The following TRIOBP variants were observed in gnomAD, a reference collection of about 807,000 sequenced individuals.
TRIOBP encodes the protein TRIO and F-actin-binding protein.
TRIOBP carries 169 observed loss-of-function variants against 238.8 expected under a neutral mutation model. The ratio of observed to expected loss-of-function variants is 0.71; its 90% CI spans 0.62 to 0.80. The LOEUF (loss-of-function observed/expected upper bound fraction) is 0.80. Among genes scored for constraint, TRIOBP ranks in the 30% least tolerant of loss-of-function variants. The pLI, the probability that TRIOBP is intolerant of heterozygous loss-of-function variation, is 0.00. For synonymous variants in TRIOBP, 1,150 were observed against 1,274.4 expected (o/e 0.90, Z 2.08); for missense variants, 2,838 against 3,122.6 (o/e 0.91, Z 2.17).
rs780301261 is a variant in TRIOBP, at chr22:37,715,816, C to T, written c.510C>T (p.Leu170=). 2.4e-5 allele frequency: 38 copies of T among 1,613,972 alleles called. No individual in the cohort carries two copies. The highest frequency in any genetic ancestry group is 6.7e-5 in the African/African-American group (5 of 74,914). The change falls in exon 6 of 24, where the codon CTC becomes CTT. Residue 170 remains leucine, a synonymous_variant. Coordinates refer to ENST00000644935, the MANE Select transcript of TRIOBP (RefSeq NM_001039141.3). ...QEEEAPSWDE[L]AVMIPRRPRE... is the part of the protein sequence containing the mutation. The stretch of plus-strand genomic sequence containing the variant: ...AGGAGGCCCCCAGCTGGGACGAGCT[C>T]GCAGTGATGATCCCGAGGAGGCCTC...
rs764022321 is a variant in TRIOBP at position 37,769,366 on chromosome 22, C to G, written c.6840C>G (p.Cys2280Trp). 1.1e-5 allele frequency: 18 copies of G among 1,604,598 alleles called. No homozygotes were observed. Among genetic ancestry groups the G allele is most frequent in the Non-Finnish European group, 1.5e-5 (18 of 1,177,256 alleles). ...GCGRSNERSS[C>W]ELEVLLRVKE... ...GGCGCAGCAACGAGCGGAGTTCCTG[C>G]GAGCTAGAGGTGAGTGTCCTCACTA... Residue 2280 changes from cysteine (C) to tryptophan (W), a missense_variant, in exon 21 of 24, where the codon TGC becomes TGG. By Grantham distance (215) the Cys-to-Trp change is radical. Around this residue, in one of 5 missense-constraint regions of TRIOBP, gnomAD observed 2,096 missense variants for 2,137.4 expected, o/e 0.98. Transcript: ENST00000644935.
intron 11 of TRIOBP, among the ~76,000 whole-genome samples, chr22:37,742,268 T>G (rs1924973204): frequency 6.7e-6 from 1 of 148,656 alleles, no homozygotes; most frequent in South Asian, 2.2e-4. Context: ...TTTTTTTTTT[T>G]TTTTTTTTAA....
intron 7 of TRIOBP, among the ~76,000 whole-genome samples, chr22:37,727,512 C>A (rs1397411280): frequency 6.6e-6 from 1 of 151,694 alleles, no homozygotes; most frequent in Non-Finnish European, 1.5e-5. Context: ...ACTAAAAATA[C>A]AAAAAATTAG....
chr22:37,714,983 T>G (rs1923439440), intron 5 of TRIOBP, among the ~76,000 whole-genome samples: 1 of 152,100 alleles, frequency 6.6e-6, no homozygotes, highest in South Asian at 2.1e-4. Flanking sequence ...GGACAGAACT[T>G]GACAGTTTAG....
chr22:37,746,118 C>T (rs1209216059), intron 11 of TRIOBP: 4 of 933,084 alleles, frequency 4.3e-6, no homozygotes, highest in Non-Finnish European at 5.2e-6. Flanking sequence ...CGCCCCCGGC[C>T]CGTCTCGCGC....
Position 37,757,983 on chromosome 22 carries a change from A to G in TRIOBP, c.6058A>G (p.Asn2020Asp). 6.3e-7 allele frequency: 1 copy of G among 1,589,196 alleles called. No homozygotes were observed. The highest frequency in any genetic ancestry group is 8.6e-7 in the Non-Finnish European group (1 of 1,168,522). Residue 2020 changes from asparagine (N) to aspartate (D), a missense_variant, in exon 16 of 24, where the codon AAC becomes GAC. Coordinates refer to ENST00000644935, the MANE Select transcript of TRIOBP (RefSeq NM_001039141.3). ...TGCCCCCCTGACTGAGGACCAGCAA[A>G]ACCGGCTTAGTGAGGAGATCGAGAA... ...LGAPLTEDQQ[N>D]RLSEEIEKKW...
At position 37,769,252 on chromosome 22, in the gene TRIOBP, C is replaced by T. The variant is rs992289407; in HGVS notation, c.6736-10C>T. 6.2e-7 allele frequency: 1 copy of T among 1,608,220 alleles called. No homozygotes were observed. Among genetic ancestry groups the T allele is most frequent in the African/African-American group, 1.3e-5 (1 of 74,880 alleles). On this transcript the variant is annotated splice_polypyrimidine_tract_variant and intron_variant, in intron 20 of 23. Coordinates refer to ENST00000644935, the MANE Select transcript of TRIOBP (RefSeq NM_001039141.3). Reference sequence around the variant, plus strand: ...CGGCACCCCTCCCCTGACCACCGTGCCTCTCCCAGGAGCTGCATGGCCGCC... The same window carrying T: ...CGGCACCCCTCCCCTGACCACCGTGTCTCTCCCAGGAGCTGCATGGCCGCC...
At position 37,757,955 on chromosome 22, in the gene TRIOBP, G is replaced by T. The variant is rs1472822459; in HGVS notation, c.6030G>T (p.Leu2010=). ...VPAGEGPRRG[L]GAPLTEDQQN... ...CTGGTGAGGGGCCGCGCCGGGGCCTGGGTGCCCCCCTGACTGAGGACCAGC... is the reference window on the plus strand; with the variant it reads ...CTGGTGAGGGGCCGCGCCGGGGCCTTGGTGCCCCCCTGACTGAGGACCAGC... The change falls in exon 16 of 24, where the codon CTG becomes CTT. Residue 2010 remains leucine (L), a synonymous_variant. Coordinates refer to ENST00000644935, the MANE Select transcript of TRIOBP (RefSeq NM_001039141.3). The T allele has an allele frequency of 2.2e-5, 35 of 1,567,502 alleles. No homozygotes were observed. Among genetic ancestry groups the T allele is most frequent in the Non-Finnish European group, 2.9e-5 (33 of 1,157,054 alleles).
chr22:37,728,431 T>C (rs1176133996), intron 7 of TRIOBP, among the ~76,000 whole-genome samples: 1 of 152,094 alleles, frequency 6.6e-6, no homozygotes. Flanking sequence ...TGAAACTCCA[T>C]CTCAAAAAAA....
chr22:37,765,828 T>TG lies in TRIOBP; in HGVS notation c.6472+19dup, dbSNP rs3833924. 0.62 allele frequency: 968,663 copies of TG among 1,552,260 alleles called. 299,351 individuals carry two copies. Among genetic ancestry groups the TG allele is most frequent in the African/African-American group, 0.82 (59,641 of 73,016 alleles). On this transcript the variant is annotated intron_variant, in intron 18 of 23. Coordinates refer to ENST00000644935, the MANE Select transcript of TRIOBP (RefSeq NM_001039141.3). ...CAGCCACGGCCTCAGGTATGGACCC[T>TG]GGGGGGGGCACAGTGGGCTGGGCTC...
At chr22:37,712,116 T>A (rs1192746932) in intron 4 of TRIOBP, among the ~76,000 whole-genome samples, 1 of 152,008 alleles carries the variant, frequency 6.6e-6, no homozygotes, top group Non-Finnish European at 1.5e-5. Context: ...TGCCCTTTCC[T>A]ATCTCGGTGA....
chr22:37,720,000 CTTTTTTTTTTTTTT>C (rs869261824), intron 6 of TRIOBP, among the ~76,000 whole-genome samples: 7 of 54,408 alleles, frequency 1.3e-4, no homozygotes, highest in African/African-American at 5.3e-4. Flanking sequence ...CCCCCCCGCC[CTTTTTTTTTTTTTT>C]TTTTTTTTTT....
intron 17 of TRIOBP, chr22:37,759,605 A>AG (rs1472074926): frequency 6.4e-7 from 1 of 1,560,154 alleles, no homozygotes; most frequent in East Asian, 2.4e-5. Flanking sequence ...GCCCCGGGGA[A>AG]GTGGGGGGCT....
At chr22:37,744,481 T>C (rs1486867719) in intron 11 of TRIOBP, among the ~76,000 whole-genome samples, 7 of 152,194 alleles carry the variant, frequency 4.6e-5, no homozygotes, top group Admixed American at 2.0e-4. Flanking sequence ...TCTGTCAGCA[T>C]TGGTGATGTG....
intron 6 of TRIOBP, among the ~76,000 whole-genome samples, chr22:37,721,275 A>T (rs1386361546): frequency 6.6e-6 from 1 of 152,030 alleles, no homozygotes. Context: ...GGCCTCCCAA[A>T]GTGTTAGCAT....
intron 21 of TRIOBP, among the ~76,000 whole-genome samples, chr22:37,770,623 C>T (rs1017836911): frequency 6.6e-6 from 1 of 151,976 alleles, no homozygotes; most frequent in African/African-American, 2.4e-5. Context: ...GTGATCCGCC[C>T]ACTTCGGCCT....
intron 16 of TRIOBP, among the ~76,000 whole-genome samples, chr22:37,758,743 C>T (rs1409145661): frequency 6.6e-6 from 1 of 151,906 alleles, no homozygotes; most frequent in Non-Finnish European, 1.5e-5. Context: ...CTGCCCGTGG[C>T]CTCCCTGCCT....
chr22:37,765,603 A>G (rs1241764550), intron 17 of TRIOBP, 67 bp from the exon 18 acceptor site: 1 of 1,544,242 alleles, frequency 6.5e-7, no homozygotes, highest in Non-Finnish European at 8.7e-7. Context: ...TCTCCTCTGG[A>G]GGCTGGGGAA....
At chr22:37,736,345 G>A (rs895637554) in intron 9 of TRIOBP, among the ~76,000 whole-genome samples, 5 of 152,108 alleles carry the variant, frequency 3.3e-5, no homozygotes, top group South Asian at 2.1e-4. Context: ...CTGGGGTGCC[G>A]TGGGGGTTCC....
Sources: gnomAD v4.1 joint callset for allele counts (sites outside exome capture counted in the v4.1 genomes callset) on GRCh38, gnomAD v4.1.1 for gene constraint, gnomAD v4.1.1 regional missense constraint, MANE v1.5 for transcripts, NCBI Gene and HGNC (gene_info 2026-07-23, HGNC 2026-07-21) for gene names.